ZNF446: variants seen among roughly 807,000 people sequenced by gnomAD.
The protein encoded by ZNF446 is zinc finger protein with KRAB and SCAN domains 20.
In ZNF446, 42 loss-of-function variants were observed where a neutral mutation model predicts 34.0. The observed-to-expected ratio is 1.23, with a 90% CI of 0.96 to 1.60. ZNF446 has a LOEUF of 1.60. ZNF446 is among the 40% of genes most tolerant of loss of function. ZNF446 has a pLI of 0.00. For synonymous variants in ZNF446, 315 were observed against 251.0 expected (o/e 1.25, Z -2.41); for missense variants, 650 against 600.2 (o/e 1.08, Z -0.87).
chr19:58,476,804 T>C (rs1327356675), intron 1 of ZNF446, among the ~76,000 whole-genome samples: 3 of 151,940 alleles, frequency 2.0e-5, no homozygotes, highest in Non-Finnish European at 4.4e-5. Context: ...CCCACCCTGG[T>C]CCACTCTCCT....
downstream of ZNF446, among the ~76,000 whole-genome samples, chr19:58,483,277 G>A (rs915288303): frequency 3.3e-5 from 5 of 152,124 alleles, no homozygotes; most frequent in East Asian, 1.9e-4. Flanking sequence ...TGGACCACTT[G>A]GAGTTCGACA....
chr19:58,480,441 TG>T lies in ZNF446; in HGVS notation c.1071del (p.Pro358GlnfsTer8), dbSNP rs1348123316. The part of the protein sequence containing the change: ...FVIHHRTHTS[G>X]PGVQSPGLAT... ...TCATCCACCACCGGACACACACGAG[TG>T]GGCCAGGTGTGCAGTCCCCGGGGCT... On this transcript the variant is annotated frameshift_variant, in exon 7 of 7. Transcript: ENST00000594369. LOFTEE classifies it low-confidence loss of function (END_TRUNC). This position sits in a 1 kb window ranked among gnomAD's most constrained non-coding sequence, Gnocchi z 7.2. 3 of 1,608,910 alleles carry T rather than the reference TG, an allele frequency of 1.9e-6. No homozygotes were observed. Among genetic ancestry groups the T allele is most frequent in the Admixed American group, 3.3e-5 (2 of 59,706 alleles).
At chr19:58,479,176 G>A (rs2053115294) in intron 4 of ZNF446, among the ~76,000 whole-genome samples, 1 of 152,104 alleles carries the variant, frequency 6.6e-6, no homozygotes. Context: ...GGGTGGGTAG[G>A]CTGCACTTCC....
chr19:58,487,357 G>A, the ZNF446 span, among the ~76,000 whole-genome samples: 3 of 152,130 alleles, frequency 2.0e-5, no homozygotes, highest in Admixed American at 6.5e-5. Context: ...CGAGCAATCT[G>A]TCCATCTCTG....
Position 58,480,681 on chromosome 19 carries a change from G to C in ZNF446, c.1308G>C (p.Ser436=), listed in dbSNP as rs151210072. The C allele has an allele frequency of 6.2e-7, 1 of 1,609,650 alleles. No homozygotes were observed. Among genetic ancestry groups the C allele is most frequent in the African/African-American group, 1.3e-5 (1 of 74,908 alleles). The change falls in exon 7 of 7, where the codon TCG becomes TCC. Residue 436 remains serine, a synonymous_variant. Coordinates refer to ENST00000594369, the MANE Select transcript of ZNF446 (RefSeq NM_017908.4). This position sits in a 1 kb window ranked among gnomAD's most constrained non-coding sequence, Gnocchi z 7.2. ...GTGGCCGCGCCTTCGACTGGAAGTCGCAGCTGGTCATCCACCGCAAGGGCC... is the reference window on the plus strand; with the variant it reads ...GTGGCCGCGCCTTCGACTGGAAGTCCCAGCTGGTCATCCACCGCAAGGGCC... ...SDCGRAFDWK[S]QLVIHRKGHR...
chr19:58,486,719 G>GT, the ZNF446 span, among the ~76,000 whole-genome samples: 2 of 149,064 alleles, frequency 1.3e-5, no homozygotes, highest in African/African-American at 2.5e-5. Context: ...TTTTTTTTTG[G>GT]GGGGGGGCGG....
downstream of ZNF446, chr19:58,483,794 G>A (rs1367713550): frequency 6.6e-6 from 1 of 152,120 alleles, no homozygotes; most frequent in African/African-American, 2.4e-5. Flanking sequence ...CTTGCACAGG[G>A]GCCATTCTAA....
At chr19:58,486,496 C>T in the ZNF446 span, among the ~76,000 whole-genome samples, 1 of 152,202 alleles carries the variant, frequency 6.6e-6, no homozygotes, top group African/African-American at 2.4e-5. Flanking sequence ...CAACCTCCGC[C>T]TCCTGGGTTC....
At chr19:58,482,136 A>G (rs1172240137), downstream of ZNF446, among the ~76,000 whole-genome samples, 1 of 152,110 alleles carries the variant, frequency 6.6e-6, no homozygotes, top group Non-Finnish European at 1.5e-5. Context: ...TGAAGGCTCT[A>G]GGAGAGAATA....
chr19:58,477,484 A>T lies in ZNF446; in HGVS notation c.266A>T (p.Gln89Leu). The T allele has an allele frequency of 6.2e-7, 1 of 1,613,578 alleles. No individual in the cohort carries two copies. The highest frequency in any genetic ancestry group is 8.5e-7 in the Non-Finnish European group (1 of 1,180,004). The change falls in exon 2 of 7, where the codon CAG (glutamine) becomes CTG (leucine). Residue 89 changes from glutamine (Q) to leucine (L), a missense_variant. Transcript: ENST00000594369. ...GAGATCCAGGCCTGGGTGCGCGGTC[A>T]GCGGCCAGGCAGTCCTGAGGAGGCC... ...PPEIQAWVRG[Q>L]RPGSPEEAAA...
chr19:58,477,674 C>T lies in ZNF446; in HGVS notation c.380C>T (p.Ala127Val). Residue 127 changes from alanine to valine, a missense_variant, in exon 3 of 7, where the codon GCA becomes GTA. Transcript: ENST00000594369. ...GTCCTGAAGCAGGAGGTGCTCCCTG[C>T]AGCCCAGAAGACAGAGGAACCACTT... is the stretch of plus-strand genomic sequence containing the variant. ...AHVLKQEVLPAAQKTEEPLGS... is the reference protein window; with the variant it reads ...AHVLKQEVLPVAQKTEEPLGS... 1.9e-6 allele frequency: 3 copies of T among 1,613,890 alleles called. No individual in the cohort carries two copies. The highest frequency in any genetic ancestry group is 1.1e-5 in the South Asian group (1 of 91,088).
chr19:58,482,238 A>G (rs1415102762), downstream of ZNF446, among the ~76,000 whole-genome samples: 2 of 150,620 alleles, frequency 1.3e-5, no homozygotes, highest in African/African-American at 4.9e-5. Context: ...AAAGCCAGCC[A>G]TGGTTGGTCA....
At chr19:58,484,290 A>C (rs545821734), downstream of ZNF446, among the ~76,000 whole-genome samples, 1,642 of 148,912 alleles carry the variant, frequency 0.011, 17 homozygotes, top group Non-Finnish European at 0.018. Context: ...AAAAAAAAAA[A>C]AAAACACACA....
At chr19:58,482,574 C>T (rs933970679), downstream of ZNF446, among the ~76,000 whole-genome samples, 4 of 152,142 alleles carry the variant, frequency 2.6e-5, no homozygotes, top group African/African-American at 7.2e-5. Flanking sequence ...AGGGTAGCTG[C>T]GACTGTGGTT....
the ZNF446 span, among the ~76,000 whole-genome samples, chr19:58,487,575 G>C: frequency 6.6e-6 from 1 of 152,128 alleles, no homozygotes; most frequent in African/African-American, 2.4e-5. Flanking sequence ...TTGGGAGGTC[G>C]AGGCAGGGGG....
chr19:58,486,958 A>G, the ZNF446 span, among the ~76,000 whole-genome samples: 4 of 150,486 alleles, frequency 2.7e-5, no homozygotes, highest in Non-Finnish European at 4.4e-5. Flanking sequence ...GCCCGCCACC[A>G]CACCCAGCTA....
Position 58,480,170 on chromosome 19 carries a change from C to T in ZNF446, c.803-6C>T. 1 of 1,590,660 alleles carries T rather than the reference C, an allele frequency of 6.3e-7. No individual in the cohort carries two copies. The highest frequency in any genetic ancestry group is 1.1e-5 in the South Asian group (1 of 90,454). ...CGGGACTCACCTGGTTTGCCCCTGCCCCCAGGAAATGAGAGTGAGGGTCCA... is the reference window on the plus strand; with the variant it reads ...CGGGACTCACCTGGTTTGCCCCTGCTCCCAGGAAATGAGAGTGAGGGTCCA... On this transcript the variant is annotated splice_region_variant and splice_polypyrimidine_tract_variant and intron_variant, in intron 6 of 6. Transcript: ENST00000594369. The surrounding 1 kb of genome is among the most constrained non-coding windows in gnomAD (Gnocchi z 7.2).
the ZNF446 span, among the ~76,000 whole-genome samples, chr19:58,487,826 C>T: frequency 6.6e-6 from 1 of 152,062 alleles, no homozygotes. Flanking sequence ...AAATTAACTA[C>T]AAATAAATAT....
the ZNF446 span, among the ~76,000 whole-genome samples, chr19:58,488,552 T>TTAAA: frequency 1.0e-5 from 1 of 100,306 alleles, no homozygotes. Context: ...ATGACTATGA[T>TTAAA]AAAAAAAAAA....
Sources: allele counts gnomAD v4.1 joint callset (sites outside exome capture counted in the v4.1 genomes callset), GRCh38; gene constraint gnomAD v4.1.1; non-coding constraint Gnocchi (gnomAD v3.1); transcripts MANE v1.5; gene names NCBI Gene and HGNC (gene_info 2026-07-23, HGNC 2026-07-21).